PHETA2: variants seen among roughly 807,000 people sequenced by gnomAD.
The protein encoded by PHETA2 is sesquipedalian-2.
For synonymous variants in PHETA2, 133 were observed against 142.9 expected (o/e 0.93, Z 0.50); for missense variants, 321 against 341.3 (o/e 0.94, Z 0.47).
rs1450237252 is a variant in PHETA2, at chr22:42,078,775, A to G, written c.*702A>G. The G allele has an allele frequency of 6.0e-6, 1 of 167,296 alleles. No homozygotes were observed. Among genetic ancestry groups the G allele is most frequent in the East Asian group, 1.9e-4 (1 of 5,204 alleles). 10.4% of individuals were successfully genotyped at this position (167,296 alleles called of 1,614,324 possible). On this transcript the variant is annotated 3_prime_UTR_variant, in exon 3 of 3. Transcript: ENST00000321753. ...AGGGGCTTGTAGCTTTTTTACGTCA[A>G]CGAAATGCCCTCCTGTACTCTGTCT...
At position 42,075,348 on chromosome 22, in the gene PHETA2, TG is replaced by T. The variant is rs1927242433; in HGVS notation, c.-96-221del. Among the ~76,000 whole-genome samples, 2 of 152,102 alleles carry T rather than the reference TG, an allele frequency of 1.3e-5. No individual in the cohort carries two copies. Among genetic ancestry groups the T allele is most frequent in the Admixed American group, 6.5e-5 (1 of 15,270 alleles). On this transcript the variant is annotated intron_variant, in intron 1 of 2. Coordinates refer to ENST00000321753, the MANE Select transcript of PHETA2 (RefSeq NM_001002034.3). The surrounding 1 kb of genome is among the most constrained non-coding windows in gnomAD (Gnocchi z 4.8). ...CATGAGGGCATGTGTAGCTCTGACC[TG>T]GACTCAGGCAGGGAGCTGGGGTCTG...
In PHETA2 at chr22:42,078,486, G is replaced by A. The variant is rs1166249951; in HGVS notation, c.*413G>A. On this transcript the variant is annotated 3_prime_UTR_variant, in exon 3 of 3. Coordinates refer to ENST00000321753, the MANE Select transcript of PHETA2 (RefSeq NM_001002034.3). ...GGGAGTCTCCTGTGCACTTAAATCCGAGGTAGGCTGCAGTATCGGCTTGAA... is the reference window on the plus strand; with the variant it reads ...GGGAGTCTCCTGTGCACTTAAATCCAAGGTAGGCTGCAGTATCGGCTTGAA... 5.3e-6 allele frequency: 1 copy of A among 190,474 alleles called. No individual in the cohort carries two copies. The highest frequency in any genetic ancestry group is 1.2e-5 in the Non-Finnish European group (1 of 84,298). The allele number at this position is 190,474 out of a possible 1,614,324, so 11.8% of individuals were successfully genotyped here. A position where few individuals can be genotyped will look rare whatever the true frequency, so the allele number is the denominator to read the frequency against.
rs133383 is a variant in PHETA2, at chr22:42,077,599, C to T, written c.306C>T (p.Ala102=). 0.44 allele frequency: 712,016 copies of T among 1,613,922 alleles called. 162,996 individuals carry two copies. The highest frequency in any genetic ancestry group is 0.56 in the Admixed American group (33,343 of 60,014). ...CTGGAGTGCGCCCACACCTGCTGGC[C>T]GCAGAAGGGCCGGCGGCCCAGGAGG... is the stretch of plus-strand genomic sequence containing the variant. The part of the protein sequence containing the change: ...DAPGVRPHLL[A]AEGPAAQEAW... Residue 102 remains alanine, a synonymous_variant, in exon 3 of 3, where the codon GCC becomes GCT. Transcript: ENST00000321753.
intron 2 of PHETA2, chr22:42,076,015 A>G (rs564431825): frequency 6.2e-6 from 1 of 160,750 alleles, no homozygotes; most frequent in South Asian, 1.5e-4. Flanking sequence ...CCCTTGAGCT[A>G]AAGAATTATC....
Position 42,078,739 on chromosome 22 carries a change from C to G in PHETA2, c.*666C>G, listed in dbSNP as rs1372927906. The G allele has an allele frequency of 6.0e-6, 1 of 167,468 alleles. No individual in the cohort carries two copies. Among genetic ancestry groups the G allele is most frequent in the Admixed American group, 6.5e-5 (1 of 15,294 alleles). The allele number at this position is 167,468 out of a possible 1,614,324, so 10.4% of individuals were successfully genotyped here. ...GCCCTGTTAACAGATGGTGCTGGAC[C>G]TTGCCCCGGAAGGGGCTTGTAGCTT... On this transcript the variant is annotated 3_prime_UTR_variant, in exon 3 of 3. Transcript: ENST00000321753.
chr22:42,079,015 C>G lies in PHETA2; in HGVS notation c.*942C>G, dbSNP rs1843849437. ...AGAAATCACCTGGGAACTCTCATAG[C>G]CGTTTGTCACCCAGGGTGTACTTGC... is the stretch of plus-strand genomic sequence containing the variant. On this transcript the variant is annotated 3_prime_UTR_variant, in exon 3 of 3. Transcript: ENST00000321753. 6.0e-6 allele frequency: 1 copy of G among 167,152 alleles called. No individual in the cohort carries two copies. The highest frequency in any genetic ancestry group is 2.4e-5 in the African/African-American group (1 of 41,458). The allele number at this position is 167,152 out of a possible 1,614,324, so 10.4% of individuals were successfully genotyped here. A position where few individuals can be genotyped will look rare whatever the true frequency, so the allele number is the denominator to read the frequency against.
chr22:42,077,892 G>A lies in PHETA2; in HGVS notation c.599G>A (p.Trp200Ter). The change falls in exon 3 of 3, where the codon TGG becomes TAG. Residue 200 changes from tryptophan (W) to a stop codon, truncating the protein, a stop_gained. Coordinates refer to ENST00000321753, the MANE Select transcript of PHETA2 (RefSeq NM_001002034.3). LOFTEE classifies it high-confidence loss of function. ...SRSAGWGLAE[W>*]ELQGPASLLL... ...TCTGCAGGGTGGGGGTTGGCTGAGTGGGAGCTGCAGGGCCCTGCCAGCCTC... is the reference window on the plus strand; with the variant it reads ...TCTGCAGGGTGGGGGTTGGCTGAGTAGGAGCTGCAGGGCCCTGCCAGCCTC... 2.0e-5 allele frequency: 33 copies of A among 1,613,564 alleles called. No individual in the cohort carries two copies. Among genetic ancestry groups the A allele is most frequent in the Non-Finnish European group, 2.7e-5 (32 of 1,179,822 alleles).
rs769869639 is a variant in PHETA2 at position 42,077,878 on chromosome 22, G to A, written c.585G>A (p.Trp195Ter). The A allele has an allele frequency of 6.2e-7, 1 of 1,613,674 alleles. No individual in the cohort carries two copies. The highest frequency in any genetic ancestry group is 8.5e-7 in the Non-Finnish European group (1 of 1,179,914). Residue 195 changes from tryptophan to a stop codon, truncating the protein, a stop_gained, in exon 3 of 3, where the codon TGG becomes TGA. Coordinates refer to ENST00000321753, the MANE Select transcript of PHETA2 (RefSeq NM_001002034.3). LOFTEE classifies it high-confidence loss of function. ...AAGCGGGCAGCAGGTCTGCAGGGTG[G>A]GGGTTGGCTGAGTGGGAGCTGCAGG... ...VEEAGSRSAG[W>*]GLAEWELQGP...
rs945990281 is a variant in PHETA2 at position 42,077,843 on chromosome 22, T to A, written c.550T>A (p.Leu184Met). The change falls in exon 3 of 3, where the codon TTG becomes ATG. Residue 184 changes from leucine to methionine, a missense_variant. Physicochemically the swap from Leu to Met is conservative, Grantham distance 15. Coordinates refer to ENST00000321753, the MANE Select transcript of PHETA2 (RefSeq NM_001002034.3). ...CLSKDSSPVG[L>M]VEEAGSRSAG... ...CTCCAAGGACAGCAGCCCTGTGGGC[T>A]TGGTTGAAGAAGCGGGCAGCAGGTC... The A allele has an allele frequency of 2.5e-6, 4 of 1,613,282 alleles. No homozygotes were observed. The African/African-American group carries it at 5.3e-5, about 22-fold the overall frequency.
In PHETA2 at chr22:42,078,050, T is replaced by C; in HGVS notation, c.757T>C (p.Cys253Arg). The C allele has an allele frequency of 6.2e-7, 1 of 1,603,270 alleles. No homozygotes were observed. The highest frequency in any genetic ancestry group is 8.5e-7 in the Non-Finnish European group (1 of 1,174,878). Residue 253 changes from cysteine (C) to arginine (R), a missense_variant, in exon 3 of 3, where the codon TGT becomes CGT. Physicochemically the swap from Cys to Arg is radical, Grantham distance 180 (BLOSUM62 -3). Coordinates refer to ENST00000321753, the MANE Select transcript of PHETA2 (RefSeq NM_001002034.3). ...QKRAQGSHSK[C>R]EEQDRP ...GAGGGCCCAGGGGAGCCACTCAAAA[T>C]GTGAGGAACAGGATAGGCCCTAAGT...
In PHETA2 at chr22:42,079,420, TA is replaced by T. The variant is rs1388007212; in HGVS notation, c.*1350del. ...GTTTTGTACACGGTTAAAACACTAG[TA>T]AAGCTTTTTCGTTATTACTCCTTCC... On this transcript the variant is annotated 3_prime_UTR_variant, in exon 3 of 3. Transcript: ENST00000321753. 1 of 315,588 alleles carries T rather than the reference TA, an allele frequency of 3.2e-6. No individual in the cohort carries two copies. The highest frequency in any genetic ancestry group is 6.2e-6 in the Non-Finnish European group (1 of 162,140). The allele number at this position is 315,588 out of a possible 1,614,324, so 19.5% of individuals were successfully genotyped here.
Position 42,078,929 on chromosome 22 carries a change from T to C in PHETA2, c.*856T>C, listed in dbSNP as rs1435191318. On this transcript the variant is annotated 3_prime_UTR_variant, in exon 3 of 3. Transcript: ENST00000321753. ...GTATTCTAGGAGCTTGGACACGGGA[T>C]TGCGTTTCCTGTGCTAAAATTCTCT... 1 of 167,150 alleles carries C rather than the reference T, an allele frequency of 6.0e-6. No individual in the cohort carries two copies. Among genetic ancestry groups the C allele is most frequent in the African/African-American group, 2.4e-5 (1 of 41,422 alleles). 10.4% of individuals were successfully genotyped at this position (167,150 alleles called of 1,614,324 possible).
rs781710333 is a variant in PHETA2, at chr22:42,077,832, G to A, written c.539G>A (p.Ser180Asn). ...GGCCACTGCCTCTCCAAGGACAGCA[G>A]CCCTGTGGGCTTGGTTGAAGAAGCG... ...ENGHCLSKDS[S>N]PVGLVEEAGS... is the part of the protein sequence containing the mutation. Residue 180 changes from serine (S) to asparagine (N), a missense_variant, in exon 3 of 3, where the codon AGC becomes AAC. Coordinates refer to ENST00000321753, the MANE Select transcript of PHETA2 (RefSeq NM_001002034.3). 6.2e-7 allele frequency: 1 copy of A among 1,613,148 alleles called. No individual in the cohort carries two copies. Among genetic ancestry groups the A allele is most frequent in the East Asian group, 2.2e-5 (1 of 44,880 alleles).
chr22:42,075,140 A>G lies in PHETA2; in HGVS notation c.-96-431A>G, dbSNP rs767170787. 4.6e-5 allele frequency among the ~76,000 whole-genome samples: 7 copies of G among 152,134 alleles called. No individual in the cohort carries two copies. Among genetic ancestry groups the G allele is most frequent in the Non-Finnish European group, 7.3e-5 (5 of 68,028 alleles). On this transcript the variant is annotated intron_variant, in intron 1 of 2. Transcript: ENST00000321753. The surrounding 1 kb of genome is among the most constrained non-coding windows in gnomAD (Gnocchi z 4.8). ...GCTGGGAACAGTGCTGTAAACACAT[A>G]TGACATCGTCGTGGGATGAAGGAAA...
chr22:42,078,207 G>A lies in PHETA2; in HGVS notation c.*134G>A, dbSNP rs1437536492. On this transcript the variant is annotated 3_prime_UTR_variant, in exon 3 of 3. Transcript: ENST00000321753. ...TGCTATTTAGGCATTCTCCAGGTTC[G>A]AGATCCACCCGTGTGTCTGGAAGGG... 4 of 1,033,614 alleles carry A rather than the reference G, an allele frequency of 3.9e-6. No individual in the cohort carries two copies. Among genetic ancestry groups the A allele is most frequent in the South Asian group, 1.8e-5 (1 of 56,596 alleles). The allele number at this position is 1,033,614 out of a possible 1,614,324, so 64.0% of individuals were successfully genotyped here.
rs1191769280 is a variant in PHETA2 at position 42,079,101 on chromosome 22, C to A, written c.*1028C>A. ...AGGCAAAGCGGCTGGGTCACCAGAGCCTGACCATACTGACGCTCCAGGGGG... is the reference window on the plus strand; with the variant it reads ...AGGCAAAGCGGCTGGGTCACCAGAGACTGACCATACTGACGCTCCAGGGGG... On this transcript the variant is annotated 3_prime_UTR_variant, in exon 3 of 3. Coordinates refer to ENST00000321753, the MANE Select transcript of PHETA2 (RefSeq NM_001002034.3). 1 of 167,212 alleles carries A rather than the reference C, an allele frequency of 6.0e-6. No homozygotes were observed. Among genetic ancestry groups the A allele is most frequent in the Admixed American group, 6.5e-5 (1 of 15,292 alleles). The allele number at this position is 167,212 out of a possible 1,614,324, so 10.4% of individuals were successfully genotyped here.
At position 42,075,131 on chromosome 22, in the gene PHETA2, T is replaced by C. The variant is rs1927234419; in HGVS notation, c.-96-440T>C. Among the ~76,000 whole-genome samples the C allele has an allele frequency of 6.6e-6, 1 of 152,072 alleles. No individual in the cohort carries two copies. Among genetic ancestry groups the C allele is most frequent in the African/African-American group, 2.4e-5 (1 of 41,384 alleles). On this transcript the variant is annotated intron_variant, in intron 1 of 2. Transcript: ENST00000321753. This position sits in a 1 kb window ranked among gnomAD's most constrained non-coding sequence, Gnocchi z 4.8. ...CATTCTGGGGCTGGGAACAGTGCTG[T>C]AAACACATATGACATCGTCGTGGGA...
chr22:42,078,174 C>G lies in PHETA2; in HGVS notation c.*101C>G. On this transcript the variant is annotated 3_prime_UTR_variant, in exon 3 of 3. Transcript: ENST00000321753. ...CGTTTTGGGAGGGGACATGGGTTCT[C>G]TCCTTCCTGCTATTTAGGCATTCTC... 7.5e-7 allele frequency: 1 copy of G among 1,330,936 alleles called. No homozygotes were observed. Among genetic ancestry groups the G allele is most frequent in the Non-Finnish European group, 1.0e-6 (1 of 993,332 alleles). 82.4% of individuals were successfully genotyped at this position (1,330,936 alleles called of 1,614,324 possible). A position where few individuals can be genotyped will look rare whatever the true frequency, so the allele number is the denominator to read the frequency against.
chr22:42,079,277 G>A lies in PHETA2; in HGVS notation c.*1204G>A. The A allele has an allele frequency of 5.9e-6, 1 of 169,158 alleles. No individual in the cohort carries two copies. The highest frequency in any genetic ancestry group is 1.4e-5 in the Non-Finnish European group (1 of 69,162). The allele number at this position is 169,158 out of a possible 1,614,324, so 10.5% of individuals were successfully genotyped here. A position where few individuals can be genotyped will look rare whatever the true frequency, so the allele number is the denominator to read the frequency against. On this transcript the variant is annotated 3_prime_UTR_variant, in exon 3 of 3. Coordinates refer to ENST00000321753, the MANE Select transcript of PHETA2 (RefSeq NM_001002034.3). Reference sequence around the variant, plus strand: ...GGCTCTGAGCCTCTTACCCCTAAGAGGCGGAGATGCGCCCAAGGCGGGCGC... The same window carrying A: ...GGCTCTGAGCCTCTTACCCCTAAGAAGCGGAGATGCGCCCAAGGCGGGCGC...
Sources: gnomAD v4.1 joint callset for allele counts (sites outside exome capture counted in the v4.1 genomes callset) on GRCh38, gnomAD v4.1.1 for gene constraint, Gnocchi (gnomAD v3.1) non-coding constraint, MANE v1.5 for transcripts, NCBI Gene and HGNC (gene_info 2026-07-23, HGNC 2026-07-21) for gene names.